The following GIGYF1 variants were observed in gnomAD, a reference collection of about 807,000 sequenced individuals.
GIGYF1 encodes the protein GRB10 interacting GYF protein 1, also known as GRB10-interacting GYF protein 1.
In GIGYF1, 84 loss-of-function variants were observed where a neutral mutation model predicts 147.1. The ratio of observed to expected loss-of-function variants is 0.57; its 90% CI spans 0.48 to 0.68. GIGYF1 has a LOEUF of 0.68. GIGYF1 is among the 30% of genes least tolerant of loss of function. The pLI, the probability that GIGYF1 is intolerant of heterozygous loss-of-function variation, is 0.00. For missense variants in GIGYF1, 1,485 were observed against 1,393.7 expected (o/e 1.07, Z -1.04); for synonymous variants, 752 against 589.5 (o/e 1.28, Z -3.99).
At position 100,681,659 on chromosome 7, in the gene GIGYF1, T is replaced by C; in HGVS notation, c.*60A>G. ...GCGGGGAGCCTGCAGGCTGGGACCCTCGGTCCACGCCGCTGTGGCTGCCCT... is the reference window on the plus strand; with the variant it reads ...GCGGGGAGCCTGCAGGCTGGGACCCCCGGTCCACGCCGCTGTGGCTGCCCT... On this transcript the variant is annotated 3_prime_UTR_variant, in exon 27 of 27. Coordinates refer to ENST00000678049, the MANE Select transcript of GIGYF1 (RefSeq NM_001375765.1). 6.8e-7 allele frequency: 1 copy of C among 1,475,734 alleles called. No homozygotes were observed. Among genetic ancestry groups the C allele is most frequent in the Non-Finnish European group, 9.1e-7 (1 of 1,103,240 alleles). The allele number at this position is 1,475,734 out of a possible 1,614,324, so 91.4% of individuals were successfully genotyped here.
At chr7:100,686,476 C>G (rs745822530) in intron 10 of GIGYF1, 43 bp from the exon 11 acceptor site, 2 of 1,542,186 alleles carry the variant, frequency 1.3e-6, no homozygotes, top group Non-Finnish European at 1.7e-6. Context: ...GGTACCCAAG[C>G]GAAGCCAGCG....
At position 100,688,821 on chromosome 7, in the gene GIGYF1, C is replaced by A. The variant is rs984318195; in HGVS notation, c.-364G>T. 1 of 204,334 alleles carries A rather than the reference C, an allele frequency of 4.9e-6. No homozygotes were observed. The highest frequency in any genetic ancestry group is 2.0e-3 in the Middle Eastern group (1 of 510). 12.7% of individuals were successfully genotyped at this position (204,334 alleles called of 1,614,324 possible). A position where few individuals can be genotyped will look rare whatever the true frequency, so the allele number is the denominator to read the frequency against. On this transcript the variant is annotated 5_prime_UTR_variant, in exon 2 of 27. Transcript: ENST00000678049. ...GAGAGGTCCATTCGCCGGATGGTGTCTCTGGGCATCAGCACCCTCGCCACC... is the reference window on the plus strand; with the variant it reads ...GAGAGGTCCATTCGCCGGATGGTGTATCTGGGCATCAGCACCCTCGCCACC...
rs149825909 is a variant in GIGYF1 at position 100,682,447 on chromosome 7, C to T, written c.2636G>A (p.Arg879His). The change falls in exon 24 of 27, where the codon CGC (arginine) becomes CAC (histidine). Residue 879 changes from arginine (R) to histidine (H), a missense_variant. Coordinates refer to ENST00000678049, the MANE Select transcript of GIGYF1 (RefSeq NM_001375765.1). Reference sequence around the variant, plus strand: ...CTTCTCTTCTTCCTCCGTCTTTTTGCGAATGGGCCGACCCGATAGGTGGCT... The same window carrying T: ...CTTCTCTTCTTCCTCCGTCTTTTTGTGAATGGGCCGACCCGATAGGTGGCT... ...SYSHLSGRPI[R>H]KKTEEEEKLL... The T allele has an allele frequency of 1.3e-3, 2,177 of 1,613,198 alleles. No homozygotes were observed. The highest frequency in any genetic ancestry group is 1.9e-3 in the Admixed American group (112 of 60,024).
Position 100,688,243 on chromosome 7 carries a change from G to C in GIGYF1, c.-5C>G. 1.2e-6 allele frequency: 2 copies of C among 1,612,158 alleles called. No individual in the cohort carries two copies. Among genetic ancestry groups the C allele is most frequent in the Non-Finnish European group, 1.7e-6 (2 of 1,179,254 alleles). On this transcript the variant is annotated 5_prime_UTR_variant, in exon 4 of 27. Transcript: ENST00000678049. Reference sequence around the variant, plus strand: ...GTTGAGTGTCTCTGCTGCCATCGTGGGGCTGGGCGTGTTTGAGAGGCCGGG... The same window carrying C: ...GTTGAGTGTCTCTGCTGCCATCGTGCGGCTGGGCGTGTTTGAGAGGCCGGG...
chr7:100,682,893 G>T, intron 22 of GIGYF1, 116 bp from the exon 23 acceptor site: 2 of 1,275,182 alleles, frequency 1.6e-6, no homozygotes, highest in Non-Finnish European at 2.1e-6. Flanking sequence ...AAGAGCTGTT[G>T]CCATCACAGG....
intron 8 of GIGYF1, 27 bp from the exon 9 acceptor site, chr7:100,687,073 G>T: frequency 1.2e-6 from 2 of 1,613,760 alleles, no homozygotes; most frequent in Admixed American, 1.7e-5. Context: ...GTGTGGGTCA[G>T]AAACAGTACA....
chr7:100,681,538 C>G lies in GIGYF1; in HGVS notation c.*181G>C, dbSNP rs914741152. The G allele has an allele frequency of 3.0e-5, 13 of 439,086 alleles. No homozygotes were observed. Among genetic ancestry groups the G allele is most frequent in the Non-Finnish European group, 4.4e-5 (11 of 252,470 alleles). The allele number at this position is 439,086 out of a possible 1,614,324, so 27.2% of individuals were successfully genotyped here. Reference sequence around the variant, plus strand: ...AAATAAAAAGAAAAACCCCCTCCCCCAGTCTGTAAAGTGCCTCGTGGTGGG... The same window carrying G: ...AAATAAAAAGAAAAACCCCCTCCCCGAGTCTGTAAAGTGCCTCGTGGTGGG... On this transcript the variant is annotated 3_prime_UTR_variant, in exon 27 of 27. Coordinates refer to ENST00000678049, the MANE Select transcript of GIGYF1 (RefSeq NM_001375765.1).
In GIGYF1 at chr7:100,681,645, GC is replaced by G; in HGVS notation, c.*73del. 1.4e-6 allele frequency: 2 copies of G among 1,412,584 alleles called. No homozygotes were observed. The highest frequency in any genetic ancestry group is 1.9e-6 in the Non-Finnish European group (2 of 1,051,138). The allele number at this position is 1,412,584 out of a possible 1,614,324, so 87.5% of individuals were successfully genotyped here. A position where few individuals can be genotyped will look rare whatever the true frequency, so the allele number is the denominator to read the frequency against. On this transcript the variant is annotated 3_prime_UTR_variant, in exon 27 of 27. Transcript: ENST00000678049. Reference sequence around the variant, plus strand: ...TTCCTGTGCTCTCTGCGGGGAGCCTGCAGGCTGGGACCCTCGGTCCACGCCG... The same window carrying G: ...TTCCTGTGCTCTCTGCGGGGAGCCTGAGGCTGGGACCCTCGGTCCACGCCG...
At position 100,684,085 on chromosome 7, in the gene GIGYF1, C is replaced by T. The variant is rs776031726; in HGVS notation, c.1803G>A (p.Pro601=). 2.4e-5 allele frequency: 39 copies of T among 1,606,042 alleles called. No homozygotes were observed. Among genetic ancestry groups the T allele is most frequent in the Middle Eastern group, 3.3e-4 (2 of 6,056 alleles). ...LGDLTPPPPP[P]PQQQQQQLTA... The stretch of plus-strand genomic sequence containing the variant: ...TGAGCTGCTGCTGCTGCTGCTGTGG[C>T]GGCGGCGGTGGTGGCGGTGTCAGGT... Residue 601 remains proline (P), a synonymous_variant, in exon 18 of 27, where the codon CCG becomes CCA. Coordinates refer to ENST00000678049, the MANE Select transcript of GIGYF1 (RefSeq NM_001375765.1).
At position 100,681,766 on chromosome 7, in the gene GIGYF1, A is replaced by C; in HGVS notation, c.3061T>G (p.Ser1021Ala). 6.3e-7 allele frequency: 1 copy of C among 1,589,060 alleles called. No individual in the cohort carries two copies. The highest frequency in any genetic ancestry group is 8.6e-7 in the Non-Finnish European group (1 of 1,166,434). Residue 1021 changes from serine to alanine, a missense_variant, in exon 27 of 27, where the codon TCC becomes GCC. Physicochemically the swap from Ser to Ala is moderately conservative, Grantham distance 99 (BLOSUM62 1). Coordinates refer to ENST00000678049, the MANE Select transcript of GIGYF1 (RefSeq NM_001375765.1). ...LHSDPSILGY[S>A]LHGSSGEIES... ...ATCTCACCAGAAGATCCGTGCAGGG[A>C]GTACCCTGAAGCCGGGGAGAAGCTG...
rs935256177 is a variant in GIGYF1 at position 100,681,159 on chromosome 7, TCAGA to T, written c.*556_*559del. 5.9e-5 allele frequency: 9 copies of T among 152,646 alleles called. No individual in the cohort carries two copies. Among genetic ancestry groups the T allele is most frequent in the African/African-American group, 9.7e-5 (4 of 41,450 alleles). 9.5% of individuals were successfully genotyped at this position (152,646 alleles called of 1,614,324 possible). ...TCACAACAGGTCTGGCGGGTGGGGC[TCAGA>T]CAGGCCTCCTGTGCAAACTGCTGGC... On this transcript the variant is annotated 3_prime_UTR_variant, in exon 27 of 27. Coordinates refer to ENST00000678049, the MANE Select transcript of GIGYF1 (RefSeq NM_001375765.1).
At position 100,687,418 on chromosome 7, in the gene GIGYF1, G is replaced by A. The variant is rs373538427; in HGVS notation, c.374-12C>T. ...ACCACGGCCGCGGCCTAGAGAAGAG[G>A]CCAGACGCACAATGAAACCTGCTGC... On this transcript the variant is annotated splice_polypyrimidine_tract_variant and intron_variant, in intron 7 of 26. Transcript: ENST00000678049. 30 of 1,612,642 alleles carry A rather than the reference G, an allele frequency of 1.9e-5. No homozygotes were observed. The highest frequency in any genetic ancestry group is 4.0e-5 in the African/African-American group (3 of 74,920).
At position 100,680,038 on chromosome 7, in the gene GIGYF1, T is replaced by C. The variant is rs949447058; in HGVS notation, c.*1681A>G. ...ACTCCCCCCGGCCCGTCACCCCTTA[T>C]TGCTTTAGAGAGAATATTGTCTTTT... On this transcript the variant is annotated 3_prime_UTR_variant, in exon 27 of 27. Coordinates refer to ENST00000678049, the MANE Select transcript of GIGYF1 (RefSeq NM_001375765.1). 1 of 152,390 alleles carries C rather than the reference T, an allele frequency of 6.6e-6. No homozygotes were observed. Among genetic ancestry groups the C allele is most frequent in the African/African-American group, 2.4e-5 (1 of 41,302 alleles). The allele number at this position is 152,390 out of a possible 1,614,324, so 9.4% of individuals were successfully genotyped here. A position where few individuals can be genotyped will look rare whatever the true frequency, so the allele number is the denominator to read the frequency against.
chr7:100,687,396 A>G lies in GIGYF1; in HGVS notation c.384T>C (p.Arg128=). 1 of 1,613,300 alleles carries G rather than the reference A, an allele frequency of 6.2e-7. No homozygotes were observed. Among genetic ancestry groups the G allele is most frequent in the Non-Finnish European group, 8.5e-7 (1 of 1,179,942 alleles). Residue 128 remains arginine, a synonymous_variant, in exon 8 of 27, where the codon CGT becomes CGC. Coordinates refer to ENST00000678049, the MANE Select transcript of GIGYF1 (RefSeq NM_001375765.1). ...RGSTRSRGRG[R]GDSCFYQRSI... ...TTCTTTGGTAAAAGCAGCTGTCACC[A>G]CGGCCGCGGCCTAGAGAAGAGGCCA...
Position 100,681,636 on chromosome 7 carries a change from G to A in GIGYF1, c.*83C>T, listed in dbSNP as rs193253445. On this transcript the variant is annotated 3_prime_UTR_variant, in exon 27 of 27. Transcript: ENST00000678049. ...CCCTGCCTCTTCCTGTGCTCTCTGC[G>A]GGGAGCCTGCAGGCTGGGACCCTCG... The A allele has an allele frequency of 3.5e-4, 469 of 1,336,948 alleles. 2 individuals are homozygous for A. In the South Asian group the frequency reaches 4.3e-3, roughly 12 times the overall value. 82.8% of individuals were successfully genotyped at this position (1,336,948 alleles called of 1,614,324 possible).
At chr7:100,685,187 G>A (rs1805200154) in intron 13 of GIGYF1, 41 bp from the exon 14 acceptor site, 3 of 1,532,366 alleles carry the variant, frequency 2.0e-6, no homozygotes, top group Non-Finnish European at 2.7e-6. Flanking sequence ...AGGGCGGGGA[G>A]GAGACAAGAT....
rs371036988 is a variant in GIGYF1, at chr7:100,683,650, G to A, written c.1970-18C>T. On this transcript the variant is annotated intron_variant, in intron 19 of 26. Coordinates refer to ENST00000678049, the MANE Select transcript of GIGYF1 (RefSeq NM_001375765.1). Reference sequence around the variant, plus strand: ...CTCACCACCTGCAGGGGGCAGGGGGGCAGAGGCGGCTGCAGGTGGGCACTT... The same window carrying A: ...CTCACCACCTGCAGGGGGCAGGGGGACAGAGGCGGCTGCAGGTGGGCACTT... 5.0e-6 allele frequency: 8 copies of A among 1,610,690 alleles called. No homozygotes were observed. The African/African-American group carries it at 8.0e-5, about 16-fold the overall frequency.
At chr7:100,686,938 C>G in intron 9 of GIGYF1, 68 bp downstream of exon 9, 1 of 1,605,538 alleles carries the variant, frequency 6.2e-7, no homozygotes, top group Non-Finnish European at 8.5e-7. Context: ...GAAATAAGCA[C>G]CCCCAGACTG....
In GIGYF1 at chr7:100,688,335, C is replaced by A. The variant is rs1016643829; in HGVS notation, c.-69-28G>T. On this transcript the variant is annotated intron_variant, in intron 3 of 26. Transcript: ENST00000678049. ...GTGGGGGAACAGGGGCCATGAAGAA[C>A]AGCACACGAAGGAGAACTTTAAAGC... The A allele has an allele frequency of 2.8e-6, 3 of 1,078,914 alleles. No individual in the cohort carries two copies. In the African/African-American group the frequency reaches 4.6e-5, roughly 17 times the overall value. 66.8% of individuals were successfully genotyped at this position (1,078,914 alleles called of 1,614,324 possible). A position where few individuals can be genotyped will look rare whatever the true frequency, so the allele number is the denominator to read the frequency against.
Sources: allele counts gnomAD v4.1 joint callset, GRCh38; gene constraint gnomAD v4.1.1; transcripts MANE v1.5; gene names NCBI Gene and HGNC (gene_info 2026-07-23, HGNC 2026-07-21).